VPS50: variants seen among roughly 807,000 people sequenced by gnomAD.
The protein encoded by VPS50 is VPS50 subunit of EARP/GARPII complex.
A neutral mutation model predicts 139.7 loss-of-function variants in VPS50; 70 were observed. That is an observed-to-expected ratio of 0.50 (90% CI 0.41 to 0.61). The LOEUF (loss-of-function observed/expected upper bound fraction) is 0.61. Ranked by LOEUF, VPS50 falls within the 20% of genes least tolerant of loss-of-function variation. The pLI, the probability that VPS50 is intolerant of heterozygous loss-of-function variation, is 0.00. For synonymous variants in VPS50, 365 were observed against 376.7 expected (o/e 0.97, Z 0.36); for missense variants, 921 against 1,133.7 (o/e 0.81, Z 2.69).
intron 23 of VPS50, among the ~76,000 whole-genome samples, chr7:93,348,501 A>G (rs1195563742): frequency 2.6e-5 from 4 of 152,114 alleles, no homozygotes; most frequent in African/African-American, 9.7e-5. Flanking sequence ...TTTCACCTCA[A>G]CTTCCATTCA....
chr7:93,258,086 C>T, intron 6 of VPS50, 73 bp from the exon 7 acceptor site: 1 of 667,240 alleles, frequency 1.5e-6, no homozygotes, highest in Admixed American at 2.7e-5. Context: ...TCATTAGTTA[C>T]CTAATTGTTC....
chr7:93,338,133 G>T (rs951049591), intron 22 of VPS50, among the ~76,000 whole-genome samples: 7 of 152,064 alleles, frequency 4.6e-5, no homozygotes, highest in African/African-American at 1.7e-4. Context: ...GAAGAAAGTT[G>T]AGAGCACTCT....
intron 22 of VPS50, among the ~76,000 whole-genome samples, chr7:93,334,878 T>A (rs116736503): frequency 6.6e-6 from 1 of 152,020 alleles, no homozygotes; most frequent in Non-Finnish European, 1.5e-5. Flanking sequence ...AGCCGGAAAT[T>A]TATGTTATTC....
At chr7:93,309,164 T>C (rs973445246) in intron 19 of VPS50, among the ~76,000 whole-genome samples, 14 of 152,006 alleles carry the variant, frequency 9.2e-5, no homozygotes, top group African/African-American at 3.1e-4. Flanking sequence ...AAAATAGTTA[T>C]ATGAAAAGTT....
chr7:93,280,895 CT>C (rs1449294469), intron 12 of VPS50, among the ~76,000 whole-genome samples: 1 of 151,892 alleles, frequency 6.6e-6, no homozygotes, highest in African/African-American at 2.4e-5. Context: ...TATACTCTCT[CT>C]GTATATATAT....
intron 12 of VPS50, among the ~76,000 whole-genome samples, chr7:93,285,282 T>C (rs189691520): frequency 5.3e-5 from 8 of 152,292 alleles, no homozygotes; most frequent in Admixed American, 4.6e-4. Context: ...AGGATGTGAT[T>C]AGAGTGCTAA....
At chr7:93,245,506 T>G (rs959235009) in intron 2 of VPS50, among the ~76,000 whole-genome samples, 1 of 151,870 alleles carries the variant, frequency 6.6e-6, no homozygotes, top group African/African-American at 2.4e-5. Context: ...GATTTTTCTC[T>G]GTATATCTTG....
rs918002038 is a variant in VPS50 at position 93,331,281 on chromosome 7, A to G, written c.1978-2836A>G. ...TTTAGAAGTTTATTTTAAAATTGAT[A>G]CAAAAAGCAAAAGATTCATAATGGC... is the stretch of plus-strand genomic sequence containing the variant. On this transcript the variant is annotated intron_variant, in intron 21 of 27. Coordinates refer to ENST00000305866, the MANE Select transcript of VPS50 (RefSeq NM_017667.4). Among the ~76,000 whole-genome samples, 27 of 150,966 alleles carry G rather than the reference A, an allele frequency of 1.8e-4. No homozygotes were observed. In the East Asian group the frequency reaches 5.1e-3, roughly 28 times the overall value.
intron 20 of VPS50, among the ~76,000 whole-genome samples, chr7:93,318,970 TAGA>T (rs1337360673): frequency 1.3e-5 from 2 of 152,162 alleles, no homozygotes; most frequent in African/African-American, 2.4e-5. Flanking sequence ...ATAGCAAAAG[TAGA>T]AAAGCAAGAG....
At chr7:93,356,970 C>T (rs1798724694) in intron 27 of VPS50, among the ~76,000 whole-genome samples, 1 of 152,128 alleles carries the variant, frequency 6.6e-6, no homozygotes. Context: ...TGAATGTCCC[C>T]ACTCTTACTC....
chr7:93,270,972 G>A, intron 9 of VPS50: 1 of 393,144 alleles, frequency 2.5e-6, no homozygotes, highest in Non-Finnish European at 3.9e-6. Context: ...TAATTCTTCA[G>A]TTTTTTTATT....
intron 20 of VPS50, 101 bp downstream of exon 20, chr7:93,311,373 C>G (rs1797261842): frequency 1.5e-6 from 1 of 671,318 alleles, no homozygotes; most frequent in African/African-American, 1.8e-5. Flanking sequence ...CTCCAGTGCT[C>G]TATGCAATGA....
rs1035525213 is a variant in VPS50 at position 93,261,863 on chromosome 7, T to C, written c.659+2231T>C. ...AATAGGAAACTGTCTACACCAGAAA[T>C]GAAATCTTTGTTGCGGAGTTACCAA... On this transcript the variant is annotated intron_variant, in intron 9 of 27. Transcript: ENST00000305866. Among the ~76,000 whole-genome samples, 4 of 152,204 alleles carry C rather than the reference T, an allele frequency of 2.6e-5. No homozygotes were observed. The East Asian group carries it at 7.7e-4, about 29-fold the overall frequency.
At chr7:93,278,559 T>C (rs1796229863) in intron 12 of VPS50, among the ~76,000 whole-genome samples, 2 of 137,824 alleles carry the variant, frequency 1.5e-5, no homozygotes, top group Admixed American at 1.6e-4. Flanking sequence ...ATCACACCAC[T>C]GCACTCCAGC....
intron 2 of VPS50, among the ~76,000 whole-genome samples, chr7:93,247,626 G>A (rs964019998): frequency 9.9e-5 from 15 of 151,790 alleles, no homozygotes; most frequent in African/African-American, 3.4e-4. Flanking sequence ...CATTGTCATT[G>A]CTTACTTATT....
At chr7:93,356,667 G>A (rs779734328) in intron 27 of VPS50, among the ~76,000 whole-genome samples, 8 of 151,914 alleles carry the variant, frequency 5.3e-5, no homozygotes, top group Non-Finnish European at 1.0e-4. Flanking sequence ...CTATTGTTAC[G>A]TAGGATGCCG....
At chr7:93,344,279 ACTAT>A (rs1379887177) in intron 23 of VPS50, among the ~76,000 whole-genome samples, 1 of 152,212 alleles carries the variant, frequency 6.6e-6, no homozygotes, top group Non-Finnish European at 1.5e-5. Flanking sequence ...AGAAAAGCTA[ACTAT>A]CCTAAATATA....
At chr7:93,309,602 A>G (rs1271547808) in intron 19 of VPS50, among the ~76,000 whole-genome samples, 1 of 151,908 alleles carries the variant, frequency 6.6e-6, no homozygotes, top group African/African-American at 2.4e-5. Flanking sequence ...TCTTATAAAC[A>G]CAGAAAGTCG....
At chr7:93,346,931 T>G (rs575069143) in intron 23 of VPS50, among the ~76,000 whole-genome samples, 4 of 140,188 alleles carry the variant, frequency 2.9e-5, no homozygotes, top group African/African-American at 1.1e-4. Flanking sequence ...ACTTCATGTC[T>G]AAAACACCAA....
Sources: allele counts gnomAD v4.1 joint callset (sites outside exome capture counted in the v4.1 genomes callset), GRCh38; gene constraint gnomAD v4.1.1; transcripts MANE v1.5; gene names NCBI Gene and HGNC (gene_info 2026-07-23, HGNC 2026-07-21).